The following AHSP variants were observed in gnomAD, a reference collection of about 807,000 sequenced individuals.
AHSP encodes the protein alpha hemoglobin stabilizing protein.
A neutral mutation model predicts 2.7 loss-of-function variants in AHSP; 5 were observed. The ratio of observed to expected loss-of-function variants is 1.86; its 90% CI spans 0.97 to 3.92. The LOEUF (loss-of-function observed/expected upper bound fraction) is 3.92, where lower values mean the gene tolerates loss of function less well. Ranked by LOEUF, AHSP falls within the 30% of genes most tolerant of loss-of-function variation. The pLI is 0.00. For synonymous variants in AHSP, 50 were observed against 48.4 expected, an observed-to-expected ratio of 1.03 and a Z score of -0.14; for missense variants, 134 against 119.8, an observed-to-expected ratio of 1.12 and a Z score of -0.55.
At position 31,528,706 on chromosome 16, in the gene AHSP, C is replaced by A. The variant is rs768599686; in HGVS notation, c.*15C>A. On this transcript the variant is annotated 3_prime_UTR_variant, in exon 3 of 3. Transcript: ENST00000302312. ...CCTCCTCCTAGCTCAGGGACCCAGC[C>A]CCTCCTCTCTGAGAAACTCTGACCT... The A allele has an allele frequency of 6.2e-7, 1 of 1,604,738 alleles. No individual in the cohort carries two copies. The highest frequency in any genetic ancestry group is 8.5e-7 in the Non-Finnish European group (1 of 1,175,992).
At chr16:31,528,252 A>T in intron 2 of AHSP, 38 bp downstream of exon 2, 1 of 1,584,758 alleles carries the variant, frequency 6.3e-7, no homozygotes, top group Non-Finnish European at 8.7e-7. Flanking sequence ...ACTGGCCTGG[A>T]GACTGGGGGG....
intron 2 of AHSP, 92 bp downstream of exon 2, chr16:31,528,306 A>C: frequency 7.3e-7 from 1 of 1,372,268 alleles, no homozygotes; most frequent in South Asian, 1.2e-5. Flanking sequence ...CTGGTGAAGT[A>C]ATGGTGGAGT....
At chr16:31,528,060 G>A in intron 1 of AHSP, 76 bp from the exon 2 acceptor site, 1 of 1,190,646 alleles carries the variant, frequency 8.4e-7, no homozygotes, top group Non-Finnish European at 1.2e-6. Flanking sequence ...GATTTTTAAG[G>A]GGAGGAAGTG....
chr16:31,528,708 C>T lies in AHSP; in HGVS notation c.*17C>T, dbSNP rs776302868. On this transcript the variant is annotated 3_prime_UTR_variant, in exon 3 of 3. Transcript: ENST00000302312. ...TCCTCCTAGCTCAGGGACCCAGCCC[C>T]TCCTCTCTGAGAAACTCTGACCTTC... The T allele has an allele frequency of 1.2e-6, 2 of 1,603,384 alleles. No homozygotes were observed. Among genetic ancestry groups the T allele is most frequent in the East Asian group, 4.5e-5 (2 of 44,498 alleles).
rs2082745714 is a variant in AHSP at position 31,528,773 on chromosome 16, C to A, written c.*82C>A. ...TGCTCCTGCCACTCTACCCTGACAC[C>A]TCAATAAAGACCAGTGCTGGTTTTG... is the stretch of plus-strand genomic sequence containing the variant. On this transcript the variant is annotated 3_prime_UTR_variant, in exon 3 of 3. Coordinates refer to ENST00000302312, the MANE Select transcript of AHSP (RefSeq NM_016633.4). 1 of 1,266,044 alleles carries A rather than the reference C, an allele frequency of 7.9e-7. No individual in the cohort carries two copies. Among genetic ancestry groups the A allele is most frequent in the African/African-American group, 1.5e-5 (1 of 67,158 alleles). The allele number at this position is 1,266,044 out of a possible 1,614,324, so 78.4% of individuals were successfully genotyped here.
intron 2 of AHSP, 30 bp from the exon 3 acceptor site, chr16:31,528,428 C>G (rs1461115934): frequency 1.9e-6 from 3 of 1,593,880 alleles, no homozygotes; most frequent in Non-Finnish European, 2.6e-6. Flanking sequence ...CACATTCTCC[C>G]TTGCCAACTG....
Position 31,527,977 on chromosome 16 carries a change from G to T in AHSP, c.-5+15G>T. 1.4e-6 allele frequency: 1 copy of T among 693,206 alleles called. No individual in the cohort carries two copies. The highest frequency in any genetic ancestry group is 2.7e-5 in the East Asian group (1 of 36,922). The allele number at this position is 693,206 out of a possible 1,614,324, so 42.9% of individuals were successfully genotyped here. On this transcript the variant is annotated intron_variant, in intron 1 of 2. Coordinates refer to ENST00000302312, the MANE Select transcript of AHSP (RefSeq NM_016633.4). ...TAGACCTGAAGGTGAGCCCAACCTG[G>T]GAAAATCGTGACCTCAGAGCAGGGC...
At chr16:31,528,278 G>T in intron 2 of AHSP, 64 bp downstream of exon 2, 1 of 1,498,222 alleles carries the variant, frequency 6.7e-7, no homozygotes. Flanking sequence ...GGGAAGTGGA[G>T]GAAGAGGATA....
rs147349976 is a variant in AHSP at position 31,528,678 on chromosome 16, C to T, written c.296C>T (p.Pro99Leu). 2.5e-6 allele frequency: 4 copies of T among 1,612,632 alleles called. No homozygotes were observed. Among genetic ancestry groups the T allele is most frequent in the African/African-American group, 2.7e-5 (2 of 74,994 alleles). Residue 99 changes from proline (P) to leucine (L), a missense_variant, in exon 3 of 3, where the codon CCG becomes CTG. Physicochemically the swap from Pro to Leu is moderately conservative, Grantham distance 98. Coordinates refer to ENST00000302312, the MANE Select transcript of AHSP (RefSeq NM_016633.4). ...TCTCATGAGCTCCCGAGTCACCCAC[C>T]GCCCTCCTCCTAGCTCAGGGACCCA... ...LKSHELPSHP[P>L]PSS
Position 31,528,505 on chromosome 16 carries a change from G to A in AHSP, c.123G>A (p.Val41=). 1 of 1,614,218 alleles carries A rather than the reference G, an allele frequency of 6.2e-7. No individual in the cohort carries two copies. The highest frequency in any genetic ancestry group is 8.5e-7 in the Non-Finnish European group (1 of 1,180,034). Residue 41 remains valine (V), a synonymous_variant, in exon 3 of 3, where the codon GTG becomes GTA. Transcript: ENST00000302312. ...CTGAAGAAGACATGGTGACTGTGGT[G>A]GAGGACTGGATGAACTTCTACATCA... ...LVSEEDMVTV[V]EDWMNFYINY... is the part of the protein sequence containing the mutation.
Position 31,528,540 on chromosome 16 carries a change from G to C in AHSP, c.158G>C (p.Arg53Thr). 1 of 1,614,164 alleles carries C rather than the reference G, an allele frequency of 6.2e-7. No homozygotes were observed. The highest frequency in any genetic ancestry group is 8.5e-7 in the Non-Finnish European group (1 of 1,180,030). ...DWMNFYINYY[R>T]QQVTGEPQER... ...ATGAACTTCTACATCAACTATTACA[G>C]GCAGCAGGTGACAGGGGAGCCCCAA... The change falls in exon 3 of 3, where the codon AGG (arginine) becomes ACG (threonine). Residue 53 changes from arginine to threonine, a missense_variant. By Grantham distance (71) the Arg-to-Thr change is moderately conservative. Coordinates refer to ENST00000302312, the MANE Select transcript of AHSP (RefSeq NM_016633.4).
intron 2 of AHSP, 43 bp downstream of exon 2, chr16:31,528,257 G>C (rs772649545): frequency 6.4e-7 from 1 of 1,554,656 alleles, no homozygotes; most frequent in Admixed American, 1.7e-5. Flanking sequence ...CCTGGAGACT[G>C]GGGGGTGCCG....
chr16:31,528,249 T>C (rs747773259), intron 2 of AHSP, 35 bp downstream of exon 2: 19 of 1,591,052 alleles, frequency 1.2e-5, no homozygotes, highest in Non-Finnish European at 8.6e-7. Context: ...AGGACTGGCC[T>C]GGAGACTGGG....
At chr16:31,528,078 G>A (rs2082739138) in intron 1 of AHSP, 58 bp from the exon 2 acceptor site, 1 of 1,393,476 alleles carries the variant, frequency 7.2e-7, no homozygotes, top group African/African-American at 1.4e-5. Context: ...GTGGGTTGGG[G>A]GAAATACCCA....
rs765338912 is a variant in AHSP at position 31,528,197 on chromosome 16, G to A, written c.58G>A (p.Val20Ile). ...TTCCGCAGGATTGAAGGAGTTCAGCGTTCTGCTGAATCAGCAGGTGAGTCC... is the reference window on the plus strand; with the variant it reads ...TTCCGCAGGATTGAAGGAGTTCAGCATTCTGCTGAATCAGCAGGTGAGTCC... ...LISAGLKEFSVLLNQQVFNDP... is the reference protein window; with the variant it reads ...LISAGLKEFSILLNQQVFNDP... Residue 20 changes from valine (V) to isoleucine (I), a missense_variant, in exon 2 of 3, where the codon GTT (valine) becomes ATT (isoleucine). Val to Ile is a conservative substitution (Grantham distance 29, BLOSUM62 3). Transcript: ENST00000302312. 6.2e-7 allele frequency: 1 copy of A among 1,613,960 alleles called. No homozygotes were observed. The highest frequency in any genetic ancestry group is 8.5e-7 in the Non-Finnish European group (1 of 1,179,916).
intron 2 of AHSP, 105 bp downstream of exon 2, chr16:31,528,319 A>G (rs1333627832): frequency 4.5e-6 from 6 of 1,344,898 alleles, no homozygotes; most frequent in Non-Finnish European, 4.3e-6. Context: ...GGTGGAGTTG[A>G]TGGAAACAAC....
rs1224447602 is a variant in AHSP, at chr16:31,528,596, C to G, written c.214C>G (p.Gln72Glu). The G allele has an allele frequency of 6.2e-7, 1 of 1,614,116 alleles. No individual in the cohort carries two copies. Among genetic ancestry groups the G allele is most frequent in the Admixed American group, 1.7e-5 (1 of 60,016 alleles). The change falls in exon 3 of 3, where the codon CAA (glutamine) becomes GAA (glutamate). Residue 72 changes from glutamine to glutamate, a missense_variant. Transcript: ENST00000302312. ...ERDKALQELR[Q>E]ELNTLANPFL... ...AGACAAGGCTCTGCAGGAGCTTCGG[C>G]AAGAGCTGAACACTCTGGCCAACCC...
Position 31,528,214 on chromosome 16 carries a change from G to A in AHSP, c.75G>A (p.Gln25=). 6.2e-7 allele frequency: 1 copy of A among 1,613,774 alleles called. No homozygotes were observed. Residue 25 remains glutamine, a splice_region_variant and synonymous_variant, in exon 2 of 3, where the codon CAG becomes CAA. Transcript: ENST00000302312. The part of the protein sequence containing the change: ...LKEFSVLLNQ[Q]VFNDPLVSEE... ...AGTTCAGCGTTCTGCTGAATCAGCA[G>A]GTGAGTCCAAGCTTTCCATTTCAAA...
chr16:31,528,396 A>G (rs1222994198), intron 2 of AHSP, 62 bp from the exon 3 acceptor site: 4 of 1,457,988 alleles, frequency 2.7e-6, no homozygotes, highest in Admixed American at 1.7e-5. Flanking sequence ...CTATTCTAGT[A>G]TTCCCGAATC....
Sources: gnomAD v4.1 joint callset for allele counts on GRCh38, gnomAD v4.1.1 for gene constraint, MANE v1.5 for transcripts, NCBI Gene and HGNC (gene_info 2026-07-23, HGNC 2026-07-21) for gene names.